The following MACROD2 variants were observed in gnomAD, a reference collection of about 807,000 sequenced individuals.
The protein encoded by MACROD2 is ADP-ribose glycohydrolase MACROD2.
MACROD2 carries 36 observed loss-of-function variants against 70.4 expected under a neutral mutation model. The observed-to-expected ratio is 0.51, with a 90% CI of 0.39 to 0.68. The LOEUF is 0.68. MACROD2 is among the 30% of genes least tolerant of loss of function. The probability of loss-of-function intolerance (pLI) is 0.00; values close to 1 mark genes in which losing one functional copy is unlikely to be tolerated. For missense variants in MACROD2, 496 were observed against 538.4 expected, an observed-to-expected ratio of 0.92 and a Z score of 0.78; for synonymous variants, 172 against 178.8, an observed-to-expected ratio of 0.96 and a Z score of 0.30.
chr20:15,562,106 T>C (rs935984492), intron 8 of MACROD2, among the ~76,000 whole-genome samples: 23 of 152,152 alleles, frequency 1.5e-4, no homozygotes, highest in African/African-American at 5.1e-4. Context: ...CTTATTCTTG[T>C]AAAGAATTTA....
chr20:14,005,639 G>A (rs1276579691), intron 2 of MACROD2, among the ~76,000 whole-genome samples: 1 of 147,174 alleles, frequency 6.8e-6, no homozygotes, highest in Non-Finnish European at 1.5e-5. Context: ...CACTTACTTT[G>A]TGCCCCGGGC....
chr20:14,155,855 T>A (rs886611349), intron 3 of MACROD2, among the ~76,000 whole-genome samples: 1 of 152,208 alleles, frequency 6.6e-6, no homozygotes, highest in Non-Finnish European at 1.5e-5. Context: ...ATATCAGTTT[T>A]TAATTTACAA....
At chr20:15,704,393 A>G (rs1690692615) in intron 8 of MACROD2, among the ~76,000 whole-genome samples, 1 of 152,160 alleles carries the variant, frequency 6.6e-6, no homozygotes, top group African/African-American at 2.4e-5. Flanking sequence ...GAAATCCTCC[A>G]CTACTACTAC....
intron 5 of MACROD2, among the ~76,000 whole-genome samples, chr20:15,003,422 C>A (rs1016361629): frequency 6.6e-6 from 1 of 152,066 alleles, no homozygotes; most frequent in Admixed American, 6.6e-5. Context: ...TGTCAAGCAG[C>A]CCGGTCTGGG....
At chr20:15,805,113 T>C (rs2063757413) in intron 8 of MACROD2, among the ~76,000 whole-genome samples, 1 of 152,212 alleles carries the variant, frequency 6.6e-6, no homozygotes, top group Non-Finnish European at 1.5e-5. Flanking sequence ...CCATTTATAC[T>C]TAAATCTGTG....
intron 5 of MACROD2, among the ~76,000 whole-genome samples, chr20:14,796,855 T>C (rs1173245951): frequency 6.6e-6 from 1 of 152,048 alleles, no homozygotes; most frequent in African/African-American, 2.4e-5. Flanking sequence ...TGTTGCTTTC[T>C]CCCAACAAAC....
intron 3 of MACROD2, among the ~76,000 whole-genome samples, chr20:14,344,355 A>G (rs1025665405): frequency 6.6e-6 from 1 of 152,252 alleles, no homozygotes. Flanking sequence ...TCCAAATAAA[A>G]TAAGTTAAAA....
chr20:15,506,118 CAGACCTCACCCAGTGTGGTCT>C (rs2146502693), intron 8 of MACROD2, among the ~76,000 whole-genome samples: 1 of 152,294 alleles, frequency 6.6e-6, no homozygotes, highest in African/African-American at 2.4e-5. Context: ...CCAAGGCTCC[CAGACCTCACCCAGTGTGGTCT>C]AGACCTCACC....
chr20:14,925,287 G>A (rs1231612002), intron 5 of MACROD2, among the ~76,000 whole-genome samples: 1 of 151,970 alleles, frequency 6.6e-6, no homozygotes, highest in Non-Finnish European at 1.5e-5. Context: ...TGGTGCTATT[G>A]TAATAACAAA....
At chr20:14,489,014 AT>A (rs2123095242) in intron 3 of MACROD2, among the ~76,000 whole-genome samples, 1 of 152,256 alleles carries the variant, frequency 6.6e-6, no homozygotes, top group East Asian at 1.9e-4. Context: ...ATTGTATTCT[AT>A]TTTTGGCTTC....
chr20:15,970,121 G>C (rs555550537), intron 13 of MACROD2, among the ~76,000 whole-genome samples: 2 of 152,010 alleles, frequency 1.3e-5, no homozygotes, highest in South Asian at 2.1e-4. Context: ...TCTAAACCCA[G>C]GGGGAAAAGT....
At chr20:15,356,159 A>G (rs1003512112) in intron 6 of MACROD2, among the ~76,000 whole-genome samples, 2 of 151,986 alleles carry the variant, frequency 1.3e-5, no homozygotes, top group Non-Finnish European at 1.5e-5. Flanking sequence ...TTCAAACCTT[A>G]TCTTCATCAT....
chr20:14,656,435 A>G (rs556232665), intron 4 of MACROD2, among the ~76,000 whole-genome samples: 13 of 152,366 alleles, frequency 8.5e-5, no homozygotes, highest in African/African-American at 2.9e-4. Context: ...AGAATCCATG[A>G]CACCATATAA....
At chr20:15,528,412 C>T (rs982405294) in intron 8 of MACROD2, among the ~76,000 whole-genome samples, 9 of 152,188 alleles carry the variant, frequency 5.9e-5, no homozygotes, top group Non-Finnish European at 8.8e-5. Flanking sequence ...TGAGCCACTG[C>T]GCCTGGCCTG....
intron 8 of MACROD2, among the ~76,000 whole-genome samples, chr20:15,630,859 G>T (rs1406777750): frequency 6.6e-6 from 1 of 152,142 alleles, no homozygotes; most frequent in East Asian, 1.9e-4. Context: ...AACTGAGTTG[G>T]AAGATCCAAA....
chr20:15,129,538 T>G (rs1299687562), intron 5 of MACROD2, among the ~76,000 whole-genome samples: 1 of 152,162 alleles, frequency 6.6e-6, no homozygotes, highest in African/African-American at 2.4e-5. Flanking sequence ...AAGAATAGAC[T>G]ACTTAAATTA....
chr20:15,978,202 C>T (rs544978147), intron 13 of MACROD2, among the ~76,000 whole-genome samples: 4 of 152,250 alleles, frequency 2.6e-5, no homozygotes, highest in Middle Eastern at 3.4e-3. Context: ...TGTCCATGGA[C>T]CATACTTTTG....
At chr20:15,368,291 C>T (rs976768200) in intron 6 of MACROD2, among the ~76,000 whole-genome samples, 4 of 152,052 alleles carry the variant, frequency 2.6e-5, no homozygotes, top group East Asian at 1.9e-4. Context: ...TAACAACCCT[C>T]CAGGTAGTTA....
chr20:14,756,392 C>T (rs2071940760), intron 5 of MACROD2, among the ~76,000 whole-genome samples: 3 of 152,084 alleles, frequency 2.0e-5, no homozygotes, highest in Admixed American at 2.0e-4. Context: ...GTCTTCATTG[C>T]ATTTGACATA....
Sources: gnomAD v4.1 joint callset for allele counts (sites outside exome capture counted in the v4.1 genomes callset) on GRCh38, gnomAD v4.1.1 for gene constraint, MANE v1.5 for transcripts, NCBI Gene and HGNC (gene_info 2026-07-23, HGNC 2026-07-21) for gene names.